The following NEDD4 variants were observed in gnomAD, a reference collection of about 807,000 sequenced individuals.
NEDD4 encodes NEDD4 E3 ubiquitin protein ligase.
In NEDD4, 99 loss-of-function variants were observed where a neutral mutation model predicts 144.9. The ratio of observed to expected loss-of-function variants is 0.68; its 90% confidence interval spans 0.58 to 0.81. The LOEUF is 0.81. NEDD4 is among the 30% of genes least tolerant of loss of function. The pLI is 0.00. For synonymous variants in NEDD4, 318 were observed against 350.6 expected, an observed-to-expected ratio of 0.91 and a Z score of 1.04; for missense variants, 985 against 1,065.9, an observed-to-expected ratio of 0.92 and a Z score of 1.06.
chr15:55,838,544 G>A lies in NEDD4; in HGVS notation c.2092C>T (p.Leu698Phe). 1 of 1,612,744 alleles carries A rather than the reference G, an allele frequency of 6.2e-7. No individual in the cohort carries two copies. Among genetic ancestry groups the A allele is most frequent in the Non-Finnish European group, 8.5e-7 (1 of 1,179,370 alleles). Residue 698 changes from leucine to phenylalanine, a missense_variant, in exon 22 of 29, where the codon CTC becomes TTC. Leu to Phe is a conservative substitution (Grantham distance 22, BLOSUM62 0). Coordinates refer to ENST00000435532, the MANE Select transcript of NEDD4 (RefSeq NM_006154.4). ...AGTTCTTCATCTATGATAAACCTGA[G>A]GTCCAATTCTGTTGGGTCATTTTCA... ...ILENDPTELD[L>F]RFIIDEELFG...
In NEDD4 at chr15:55,838,156, C is replaced by T. The variant is rs766320630; in HGVS notation, c.2152G>A (p.Gly718Ser). 1.9e-6 allele frequency: 3 copies of T among 1,596,788 alleles called. No homozygotes were observed. In the African/African-American group the frequency reaches 4.0e-5, roughly 21 times the overall value. Residue 718 changes from glycine to serine, a missense_variant, in exon 23 of 29, where the codon GGT (glycine) becomes AGT (serine). By Grantham distance (56) the Gly-to-Ser change is moderately conservative. Coordinates refer to ENST00000435532, the MANE Select transcript of NEDD4 (RefSeq NM_006154.4). ...GQTHQHELKN[G>S]GSEIVVTNKN... The stretch of plus-strand genomic sequence containing the variant: ...TTGGTGACAACTATTTCTGATCCAC[C>T]ATTTTTCAGCTCATGTTGATGTGTC...
At chr15:55,928,987 T>C (rs144663496) in intron 4 of NEDD4, among the ~76,000 whole-genome samples, 5 of 152,182 alleles carry the variant, frequency 3.3e-5, no homozygotes, top group East Asian at 1.9e-4. Context: ...ATTTAAATCA[T>C]AGGTAATAGT....
intron 5 of NEDD4, among the ~76,000 whole-genome samples, chr15:55,877,737 C>T (rs756328189): frequency 1.1e-4 from 16 of 152,046 alleles, no homozygotes; most frequent in Non-Finnish European, 2.4e-4. Flanking sequence ...TCTGCTTAAG[C>T]AAAGAATTTT....
At position 55,838,406 on chromosome 15, in the gene NEDD4, G is replaced by A. The variant is rs931113014; in HGVS notation, c.2127+103C>T. On this transcript the variant is annotated intron_variant, in intron 22 of 28. Transcript: ENST00000435532. The stretch of plus-strand genomic sequence containing the variant: ...GAGACAGCTTTTGTTACTGGGAAAT[G>A]AATGTAAAAACAGAGCCTAGGAATG... 22 of 835,556 alleles carry A rather than the reference G, an allele frequency of 2.6e-5. No homozygotes were observed. The African/African-American group carries it at 3.8e-4, about 14-fold the overall frequency. The allele number at this position is 835,556 out of a possible 1,614,324, so 51.8% of individuals were successfully genotyped here. A position where few individuals can be genotyped will look rare whatever the true frequency, so the allele number is the denominator to read the frequency against.
chr15:55,951,701 T>G, intron 2 of NEDD4, 112 bp from the exon 3 acceptor site: 1 of 788,394 alleles, frequency 1.3e-6, no homozygotes, highest in South Asian at 3.5e-5. Context: ...TATCTACAAT[T>G]ATTTCCTGAA....
At chr15:55,960,637 C>T (rs1316233421) in intron 2 of NEDD4, among the ~76,000 whole-genome samples, 1 of 152,030 alleles carries the variant, frequency 6.6e-6, no homozygotes, top group East Asian at 1.9e-4. Flanking sequence ...TCATGTGAGT[C>T]AATTCTCCTA....
intron 2 of NEDD4, among the ~76,000 whole-genome samples, chr15:55,953,996 G>A (rs1292213878): frequency 2.6e-5 from 4 of 152,056 alleles, no homozygotes; most frequent in East Asian, 1.9e-4. Context: ...TACTCTTAAC[G>A]ACTATAGCAT....
At chr15:55,871,643 C>G (rs1254804768) in intron 7 of NEDD4, among the ~76,000 whole-genome samples, 2 of 152,108 alleles carry the variant, frequency 1.3e-5, no homozygotes, top group African/African-American at 4.8e-5. Flanking sequence ...CACTCCTTTT[C>G]ATTTTTTTAA....
intron 19 of NEDD4, 82 bp from the exon 20 acceptor site, chr15:55,840,809 G>C (rs1263345392): frequency 7.2e-7 from 1 of 1,395,694 alleles, no homozygotes; most frequent in Non-Finnish European, 9.9e-7. Flanking sequence ...CCTCCTTTAA[G>C]AGTTGTTTAC....
intron 5 of NEDD4, among the ~76,000 whole-genome samples, chr15:55,882,468 C>A (rs1473100074): frequency 1.3e-5 from 2 of 152,180 alleles, no homozygotes; most frequent in African/African-American, 4.8e-5. Context: ...ATGAAGGTGG[C>A]ATTTAGATCA....
At chr15:55,976,879 C>T (rs1397159446) in intron 1 of NEDD4, among the ~76,000 whole-genome samples, 2 of 152,216 alleles carry the variant, frequency 1.3e-5, no homozygotes, top group East Asian at 1.9e-4. Context: ...CTGATCCACC[C>T]GCCTTGGCCT....
intron 2 of NEDD4, among the ~76,000 whole-genome samples, chr15:55,964,881 T>A (rs2037487173): frequency 6.6e-6 from 1 of 152,116 alleles, no homozygotes; most frequent in Admixed American, 6.5e-5. Flanking sequence ...ATGCCCTCCC[T>A]CGGAAGTGAG....
intron 9 of NEDD4, among the ~76,000 whole-genome samples, chr15:55,862,292 T>G (rs1313112274): frequency 6.6e-6 from 1 of 151,994 alleles, no homozygotes; most frequent in African/African-American, 2.4e-5. Flanking sequence ...TATAAGACTA[T>G]ATGGAAGGAA....
intron 4 of NEDD4, among the ~76,000 whole-genome samples, chr15:55,930,537 A>T (rs1388470321): frequency 6.6e-6 from 1 of 152,188 alleles, no homozygotes; most frequent in Non-Finnish European, 1.5e-5. Flanking sequence ...AGGGAAGAAA[A>T]TTATTGAAGA....
intron 4 of NEDD4, among the ~76,000 whole-genome samples, chr15:55,933,979 C>A (rs1455998773): frequency 6.6e-6 from 1 of 152,146 alleles, no homozygotes; most frequent in Non-Finnish European, 1.5e-5. Flanking sequence ...CAGGGTGAAA[C>A]CTCGTCTCTA....
At chr15:55,914,175 T>C (rs922937729) in intron 5 of NEDD4, among the ~76,000 whole-genome samples, 8 of 150,532 alleles carry the variant, frequency 5.3e-5, no homozygotes, top group Non-Finnish European at 1.2e-4. Flanking sequence ...TACTATTTTA[T>C]TCACCTAAAG....
intron 4 of NEDD4, among the ~76,000 whole-genome samples, chr15:55,928,315 C>G (rs1566955975): frequency 6.6e-6 from 1 of 152,062 alleles, no homozygotes; most frequent in Non-Finnish European, 1.5e-5. Flanking sequence ...CCTGGCCTAT[C>G]TTATCTTTTT....
chr15:55,910,132 T>C (rs12591210), intron 5 of NEDD4, among the ~76,000 whole-genome samples: 21,755 of 152,188 alleles, frequency 0.14, 1,693 homozygotes, highest in East Asian at 0.35. Flanking sequence ...GAGTTTGTCT[T>C]ATACATCTTA....
chr15:55,848,524 G>A lies in NEDD4; in HGVS notation c.1480C>T (p.His494Tyr), dbSNP rs1192861101. 1 of 1,613,398 alleles carries A rather than the reference G, an allele frequency of 6.2e-7. No homozygotes were observed. Among genetic ancestry groups the A allele is most frequent in the Non-Finnish European group, 8.5e-7 (1 of 1,179,532 alleles). Residue 494 changes from histidine (H) to tyrosine (Y), a missense_variant, in exon 16 of 29, where the codon CAC becomes TAC. Coordinates refer to ENST00000435532, the MANE Select transcript of NEDD4 (RefSeq NM_006154.4). The part of the protein sequence containing the change: ...HTDGRIFYIN[H>Y]NIKRTQWEDP... Reference sequence around the variant, plus strand: ...TGAAAAATCGCACTGCACATACTGTGATTTATGTAGAAGATTCTTCCATCT... The same window carrying A: ...TGAAAAATCGCACTGCACATACTGTAATTTATGTAGAAGATTCTTCCATCT...
Sources: allele counts gnomAD v4.1 joint callset (sites outside exome capture counted in the v4.1 genomes callset), GRCh38; gene constraint gnomAD v4.1.1; transcripts MANE v1.5; gene names NCBI Gene and HGNC (gene_info 2026-07-23, HGNC 2026-07-21).